The following SEC23A variants were observed in gnomAD, a reference collection of about 807,000 sequenced individuals.
SEC23A encodes the protein protein transport protein Sec23A.
SEC23A carries 56 observed loss-of-function variants against 103.7 expected under a neutral mutation model. That is an observed-to-expected ratio of 0.54 (90% CI 0.44 to 0.67). SEC23A has a LOEUF of 0.67. SEC23A is among the 30% of genes least tolerant of loss of function. SEC23A has a pLI of 0.00. For synonymous variants in SEC23A, 281 were observed against 293.0 expected, an observed-to-expected ratio of 0.96 and a Z score of 0.42; for missense variants, 784 against 936.4, an observed-to-expected ratio of 0.84 and a Z score of 2.12.
At chr14:39,062,900 T>C (rs1247627656) in intron 12 of SEC23A, among the ~76,000 whole-genome samples, 1 of 152,186 alleles carries the variant, frequency 6.6e-6, no homozygotes, top group Non-Finnish European at 1.5e-5. Flanking sequence ...TCCAAACTTT[T>C]TCTATGGATT....
intron 1 of SEC23A, among the ~76,000 whole-genome samples, chr14:39,097,167 T>C (rs1448050587): frequency 6.6e-6 from 1 of 152,246 alleles, no homozygotes; most frequent in East Asian, 1.9e-4. Flanking sequence ...GAGGATGCAC[T>C]CTGGGGAGGG....
At chr14:39,088,943 C>T (rs1393033029) in intron 5 of SEC23A, among the ~76,000 whole-genome samples, 1 of 151,610 alleles carries the variant, frequency 6.6e-6, no homozygotes, top group East Asian at 1.9e-4. Context: ...CCAAAGCAGG[C>T]AGATCACGAG....
intron 9 of SEC23A, among the ~76,000 whole-genome samples, chr14:39,067,739 C>T (rs984752251): frequency 2.7e-4 from 39 of 146,510 alleles, no homozygotes; most frequent in African/African-American, 9.6e-4. Flanking sequence ...GGAACAATCA[C>T]GGCTCACTGC....
chr14:39,093,679 T>A (rs910703600), intron 2 of SEC23A, among the ~76,000 whole-genome samples: 11 of 152,216 alleles, frequency 7.2e-5, no homozygotes, highest in African/African-American at 2.7e-4. Context: ...GAGGATCATC[T>A]GAGCCCAGGT....
In SEC23A at chr14:39,048,698, T is replaced by C; in HGVS notation, c.1691A>G (p.Asp564Gly). ...CQKFGEYHKD[D>G]PSSFRFSETF... ...TTCTGAAAATCTGAAGGAACTTGGGTCATCTTTATGATATTCTCCAAATTT... is the reference window on the plus strand; with the variant it reads ...TTCTGAAAATCTGAAGGAACTTGGGCCATCTTTATGATATTCTCCAAATTT... Residue 564 changes from aspartate to glycine, a missense_variant, in exon 15 of 20, where the codon GAC becomes GGC. By Grantham distance (94) the Asp-to-Gly change is moderately conservative (BLOSUM62 -1). Coordinates refer to ENST00000307712, the MANE Select transcript of SEC23A (RefSeq NM_006364.4). 6.3e-7 allele frequency: 1 copy of C among 1,592,326 alleles called. No homozygotes were observed. Among genetic ancestry groups the C allele is most frequent in the Non-Finnish European group, 8.6e-7 (1 of 1,160,344 alleles).
chr14:39,099,403 C>T (rs1047567736), intron 1 of SEC23A, among the ~76,000 whole-genome samples: 1 of 151,972 alleles, frequency 6.6e-6, no homozygotes, highest in Non-Finnish European at 1.5e-5. Context: ...CGTGATCCGC[C>T]GGCCTCGGCC....
At chr14:39,042,601 CAT>C (rs1885683192) in intron 17 of SEC23A, among the ~76,000 whole-genome samples, 183 bp downstream of exon 17, 1 of 152,174 alleles carries the variant, frequency 6.6e-6, no homozygotes, top group Non-Finnish European at 1.5e-5. Context: ...AAAATAATCA[CAT>C]GTGGGTCAAC....
intron 7 of SEC23A, among the ~76,000 whole-genome samples, chr14:39,082,121 A>C (rs1371628523): frequency 6.6e-6 from 1 of 152,152 alleles, no homozygotes; most frequent in Non-Finnish European, 1.5e-5. Flanking sequence ...AGAGGCTCCC[A>C]CTAGCCAAAT....
chr14:39,039,269 C>A, intron 18 of SEC23A, 173 bp from the exon 19 acceptor site: 1 of 585,012 alleles, frequency 1.7e-6, no homozygotes, highest in Non-Finnish European at 3.0e-6. Flanking sequence ...CTAAGTGTTA[C>A]AAATAAATAA....
intron 13 of SEC23A, among the ~76,000 whole-genome samples, chr14:39,056,386 G>T (rs1007871154): frequency 3.3e-5 from 5 of 152,022 alleles, no homozygotes; most frequent in Non-Finnish European, 5.9e-5. Context: ...ACCTGCCTTG[G>T]CCTCCCAAAG....
At chr14:39,094,229 T>TATATATGCATATATACACATATAC (rs1566514276) in intron 2 of SEC23A, among the ~76,000 whole-genome samples, 6 of 115,420 alleles carry the variant, frequency 5.2e-5, no homozygotes, top group African/African-American at 1.8e-4. Flanking sequence ...CACATACATA[T>TATATATGCATATATACACATATAC]ATATATATGC....
intron 9 of SEC23A, among the ~76,000 whole-genome samples, chr14:39,069,758 G>C (rs1886782335): frequency 6.6e-6 from 1 of 152,052 alleles, no homozygotes; most frequent in Admixed American, 6.6e-5. Flanking sequence ...CACAGCGCCT[G>C]GCCCCAGGTA....
chr14:39,049,622 T>G lies in SEC23A; in HGVS notation c.1660-893A>C, dbSNP rs117862785. 1.3e-4 allele frequency among the ~76,000 whole-genome samples: 20 copies of G among 150,180 alleles called. 1 individual carries two copies. In the East Asian group the frequency reaches 4.0e-3, roughly 30 times the overall value. On this transcript the variant is annotated intron_variant, in intron 14 of 19. Coordinates refer to ENST00000307712, the MANE Select transcript of SEC23A (RefSeq NM_006364.4). Reference sequence around the variant, plus strand: ...CGAGATCCTGTCTCTACAAAAAATTTTGAAAATTAGCCAGGCATGGTTGCA... The same window carrying G: ...CGAGATCCTGTCTCTACAAAAAATTGTGAAAATTAGCCAGGCATGGTTGCA...
At chr14:39,090,881 T>A (rs1887639033) in intron 5 of SEC23A, 1 of 263,808 alleles carries the variant, frequency 3.8e-6, no homozygotes, top group East Asian at 1.2e-4. Context: ...TGTTGAACCT[T>A]TCTGGCCTGA....
Position 39,095,882 on chromosome 14 carries a change from T to C in SEC23A, c.221+16A>G, listed in dbSNP as rs2139298115. The C allele has an allele frequency of 6.5e-7, 1 of 1,545,392 alleles. No homozygotes were observed. The highest frequency in any genetic ancestry group is 1.1e-5 in the South Asian group (1 of 89,498). The stretch of plus-strand genomic sequence containing the variant: ...AATCACATTGCCACATTAGTTTTTC[T>C]ATATATTTTACTTACCATAAAGGAT... On this transcript the variant is annotated intron_variant, in intron 2 of 19. Transcript: ENST00000307712.
intron 18 of SEC23A, chr14:39,040,273 T>C (rs1885595292): frequency 1.2e-5 from 2 of 171,754 alleles, no homozygotes; most frequent in African/African-American, 4.8e-5. Context: ...CTTTTCATAA[T>C]ACTACAGTGT....
chr14:39,034,347 A>C (rs1885394214), intron 19 of SEC23A, among the ~76,000 whole-genome samples: 1 of 152,260 alleles, frequency 6.6e-6, no homozygotes, highest in Admixed American at 6.5e-5. Flanking sequence ...TGTAATGATT[A>C]AATGAGTTAA....
chr14:39,057,357 G>A (rs536778315), intron 13 of SEC23A, among the ~76,000 whole-genome samples: 22 of 151,344 alleles, frequency 1.5e-4, no homozygotes, highest in Non-Finnish European at 2.8e-4. Context: ...TTAAAAAACA[G>A]AGATTTTTTT....
intron 9 of SEC23A, among the ~76,000 whole-genome samples, chr14:39,073,888 G>A (rs1002732811): frequency 5.3e-5 from 8 of 151,914 alleles, no homozygotes; most frequent in South Asian, 4.2e-4. Context: ...GATTACAAGC[G>A]TGAGCCACCA....
Sources: gnomAD v4.1 joint callset for allele counts (sites outside exome capture counted in the v4.1 genomes callset) on GRCh38, gnomAD v4.1.1 for gene constraint, MANE v1.5 for transcripts, NCBI Gene and HGNC (gene_info 2026-07-23, HGNC 2026-07-21) for gene names.